The following DNMT1 variants were observed in gnomAD, a reference collection of about 807,000 sequenced individuals.
The protein encoded by DNMT1 is DNA (cytosine-5)-methyltransferase 1.
A neutral mutation model predicts 205.3 loss-of-function variants in DNMT1; 24 were observed. The ratio of observed to expected loss-of-function variants is 0.12; its 90% CI spans 0.08 to 0.16. DNMT1 has a LOEUF of 0.16. DNMT1 is among the 10% of genes least tolerant of loss of function. The probability of loss-of-function intolerance (pLI) is 1.00; values close to 1 mark genes in which losing one functional copy is unlikely to be tolerated. For synonymous variants in DNMT1, 817 were observed against 839.8 expected (o/e 0.97, Z 0.47); for missense variants, 1,293 against 2,177.7 (o/e 0.59, Z 8.09).
chr19:10,193,876 A>G (rs1156420092), intron 1 of DNMT1, among the ~76,000 whole-genome samples: 1 of 152,154 alleles, frequency 6.6e-6, no homozygotes, highest in Non-Finnish European at 1.5e-5. Flanking sequence ...CCTCACTTGA[A>G]CAAGTTTTCA....
At chr19:10,178,030 G>A (rs1459984816) in intron 5 of DNMT1, among the ~76,000 whole-genome samples, 4 of 151,158 alleles carry the variant, frequency 2.6e-5, no homozygotes, top group African/African-American at 7.3e-5. Flanking sequence ...GAGGCAAGAC[G>A]GGCAGATCAC....
intron 1 of DNMT1, 63 bp downstream of exon 1, chr19:10,194,757 G>A: frequency 6.6e-7 from 1 of 1,526,418 alleles, no homozygotes; most frequent in South Asian, 1.2e-5. Flanking sequence ...CCGAGGGGAA[G>A]CGACCCCCCA....
Position 10,137,250 on chromosome 19 carries a change from G to C in DNMT1, c.4324C>G (p.Arg1442Gly), listed in dbSNP as rs139918621. 1.2e-6 allele frequency: 2 copies of C among 1,609,348 alleles called. No homozygotes were observed. The highest frequency in any genetic ancestry group is 1.7e-6 in the Non-Finnish European group (2 of 1,179,026). The change falls in exon 37 of 41, where the codon CGG becomes GGG. Residue 1442 changes from arginine (R) to glycine (G), a missense_variant. Around this residue, in one of 13 missense-constraint regions of DNMT1, gnomAD observed 148 missense variants for 256.1 expected, o/e 0.58. Transcript: ENST00000359526. The surrounding 1 kb of genome is among the most constrained non-coding windows in gnomAD (Gnocchi z 6.4). ...GACCCTGGGGCCAAGGGGATGTGCC[G>C]CATGCGGGCAGCCACCAATGCACTC... is the stretch of plus-strand genomic sequence containing the variant. The part of the protein sequence containing the change: ...DMSALVAARM[R>G]HIPLAPGSDW...
intron 1 of DNMT1, chr19:10,194,583 T>A (rs1019784559): frequency 4.0e-6 from 2 of 498,718 alleles, no homozygotes; most frequent in Non-Finnish European, 7.0e-6. Context: ...CCCCGCCTAG[T>A]TTCTAGCCAC....
At chr19:10,143,213 C>T (rs565404215) in intron 29 of DNMT1, among the ~76,000 whole-genome samples, 261 of 152,264 alleles carry the variant, frequency 1.7e-3, no homozygotes, top group African/African-American at 5.8e-3. Context: ...GGTGCCCAGG[C>T]ACTCTACCCG....
In DNMT1 at chr19:10,156,753, G is replaced by A. The variant is rs2038464934; in HGVS notation, c.1281-244C>T. On this transcript the variant is annotated intron_variant, in intron 17 of 40. Coordinates refer to ENST00000359526, the MANE Select transcript of DNMT1 (RefSeq NM_001130823.3). This position sits in a 1 kb window ranked among gnomAD's most constrained non-coding sequence, Gnocchi z 4.2. ...CTGCCTCAGCCTCCCGAGTAGCTGG[G>A]ATTACAGGCCTGAACCACCATGCCC... is the stretch of plus-strand genomic sequence containing the variant. 6.6e-6 allele frequency among the ~76,000 whole-genome samples: 1 copy of A among 152,122 alleles called. No individual in the cohort carries two copies. Among genetic ancestry groups the A allele is most frequent in the Non-Finnish European group, 1.5e-5 (1 of 68,036 alleles).
rs193180567 is a variant in DNMT1 at position 10,149,342 on chromosome 19, C to A, written c.2586+111G>T. On this transcript the variant is annotated intron_variant, in intron 26 of 40. Transcript: ENST00000359526. ...CTCAGTCTCAAAACAAAAAAAAAAA[C>A]AAAAAAAAAACCAAATTAAAAAAAA... is the stretch of plus-strand genomic sequence containing the variant. The A allele has an allele frequency of 2.1e-3, 2,219 of 1,035,076 alleles. 8 individuals carry two copies. Among genetic ancestry groups the A allele is most frequent in the African/African-American group, 0.01 (562 of 53,542 alleles). 64.1% of individuals were successfully genotyped at this position (1,035,076 alleles called of 1,614,324 possible).
chr19:10,184,631 A>T (rs2039142439), intron 1 of DNMT1: 1 of 152,160 alleles, frequency 6.6e-6, no homozygotes, highest in East Asian at 1.9e-4. Context: ...TGGACAACAT[A>T]GGGCGATCCT....
Position 10,135,619 on chromosome 19 carries a change from C to T in DNMT1, c.4773+117G>A, listed in dbSNP as rs1282485853. ...CGTCTTCCCACTGAGAGTGATGGGG[C>T]TACCCGGCAGCCAGCAGGCGTCCTC... On this transcript the variant is annotated intron_variant, in intron 39 of 40. Coordinates refer to ENST00000359526, the MANE Select transcript of DNMT1 (RefSeq NM_001130823.3). 4.6e-6 allele frequency: 5 copies of T among 1,080,810 alleles called. No homozygotes were observed. The East Asian group carries it at 1.3e-4, about 28-fold the overall frequency. 67.0% of individuals were successfully genotyped at this position (1,080,810 alleles called of 1,614,324 possible).
In DNMT1 at chr19:10,140,956, T is replaced by C. The variant is rs376722557; in HGVS notation, c.3395-47A>G. 4.3e-6 allele frequency: 7 copies of C among 1,613,674 alleles called. No individual in the cohort carries two copies. The African/African-American group carries it at 8.0e-5, about 18-fold the overall frequency. On this transcript the variant is annotated intron_variant, in intron 31 of 40. Transcript: ENST00000359526. The surrounding 1 kb of genome is among the most constrained non-coding windows in gnomAD (Gnocchi z 8.4). ...CTAAACCCGATCCTCAGAGTCCAAGTCCACCTTGCTCTCAAGCGCCTTGTT... is the reference window on the plus strand; with the variant it reads ...CTAAACCCGATCCTCAGAGTCCAAGCCCACCTTGCTCTCAAGCGCCTTGTT...
rs80233077 is a variant in DNMT1, at chr19:10,165,011, C to T, written c.891+1587G>A. ...GTTCATGCCTGTAATCCTACCACTC[C>T]GCCACTTTGGGGGACTGAGATAGGT... On this transcript the variant is annotated intron_variant, in intron 11 of 40. Coordinates refer to ENST00000359526, the MANE Select transcript of DNMT1 (RefSeq NM_001130823.3). Among the ~76,000 whole-genome samples, 628 of 145,356 alleles carry T rather than the reference C, an allele frequency of 4.3e-3. 8 individuals are homozygous for T. Among genetic ancestry groups the T allele is most frequent in the African/African-American group, 0.015 (589 of 39,190 alleles).
intron 1 of DNMT1, among the ~76,000 whole-genome samples, chr19:10,190,185 A>C (rs1238671702): frequency 6.6e-6 from 1 of 152,178 alleles, no homozygotes; most frequent in Non-Finnish European, 1.5e-5. Context: ...AATGACTAGC[A>C]GTAAGAAAGC....
chr19:10,165,202 T>G (rs951597829), intron 11 of DNMT1, among the ~76,000 whole-genome samples: 1 of 150,904 alleles, frequency 6.6e-6, no homozygotes, highest in African/African-American at 2.4e-5. Flanking sequence ...GCCTGGGAGG[T>G]CGAGGCTACA....
Position 10,151,308 on chromosome 19 carries a change from T to G in DNMT1, c.2265+90A>C, listed in dbSNP as rs1157487589. On this transcript the variant is annotated intron_variant, in intron 24 of 40. Coordinates refer to ENST00000359526, the MANE Select transcript of DNMT1 (RefSeq NM_001130823.3). The surrounding 1 kb of genome is among the most constrained non-coding windows in gnomAD (Gnocchi z 5.0). The stretch of plus-strand genomic sequence containing the variant: ...GGTTTCTTAGTGCCGGGGCTCAGGC[T>G]GCCTGAGAGGTCAGGTTGGCGAGAT... 14 of 1,576,554 alleles carry G rather than the reference T, an allele frequency of 8.9e-6. No individual in the cohort carries two copies. The highest frequency in any genetic ancestry group is 1.2e-5 in the Non-Finnish European group (14 of 1,160,746).
At chr19:10,167,398 T>C (rs545078817) in intron 10 of DNMT1, among the ~76,000 whole-genome samples, 22 of 152,272 alleles carry the variant, frequency 1.4e-4, no homozygotes, top group African/African-American at 4.8e-4. Context: ...GGTTTCACCA[T>C]GTTGGCCAGG....
chr19:10,173,135 T>A lies in DNMT1; in HGVS notation c.723A>T (p.Ala241=). The A allele has an allele frequency of 6.2e-7, 1 of 1,614,206 alleles. No homozygotes were observed. Among genetic ancestry groups the A allele is most frequent in the Non-Finnish European group, 8.5e-7 (1 of 1,180,038 alleles). ...RPLPAEEPER[A]KSGTRTEKEE... is the part of the protein sequence containing the mutation. ...CCTTTTCAGTGCGCGTTCCTGATTT[T>A]GCTCTTTCAGGTTCTTCTGCAGGAA... Residue 241 remains alanine, a synonymous_variant, in exon 9 of 41, where the codon GCA becomes GCT. Coordinates refer to ENST00000359526, the MANE Select transcript of DNMT1 (RefSeq NM_001130823.3).
intron 7 of DNMT1, among the ~76,000 whole-genome samples, chr19:10,174,276 CTCATTG>C (rs2038888310): frequency 6.6e-6 from 1 of 152,122 alleles, no homozygotes; most frequent in Admixed American, 6.6e-5. Context: ...CAAAACTTAG[CTCATTG>C]GCATGCGCCT....
chr19:10,181,418 C>T (rs2039044039), intron 2 of DNMT1, among the ~76,000 whole-genome samples: 1 of 151,988 alleles, frequency 6.6e-6, no homozygotes, highest in Non-Finnish European at 1.5e-5. Context: ...CACTGCACTC[C>T]AGCCTGGGCT....
intron 27 of DNMT1, among the ~76,000 whole-genome samples, chr19:10,147,734 C>T (rs1568228874): frequency 6.6e-6 from 1 of 152,186 alleles, no homozygotes; most frequent in East Asian, 1.9e-4. Flanking sequence ...TTGCCACCTG[C>T]TCCTCTGGGG....
Sources: gnomAD v4.1 joint callset for allele counts (sites outside exome capture counted in the v4.1 genomes callset) on GRCh38, gnomAD v4.1.1 for gene constraint, gnomAD v4.1.1 regional missense constraint, Gnocchi (gnomAD v3.1) non-coding constraint, MANE v1.5 for transcripts, NCBI Gene and HGNC (gene_info 2026-07-23, HGNC 2026-07-21) for gene names.